The following FHIT variants were observed in gnomAD, a reference collection of about 807,000 sequenced individuals.
FHIT encodes bis(5'-adenosyl)-triphosphatase.
A neutral mutation model predicts 17.9 loss-of-function variants in FHIT; 19 were observed. The observed-to-expected ratio is 1.06, with a 90% CI of 0.74 to 1.56. The LOEUF (loss-of-function observed/expected upper bound fraction) is 1.56. FHIT is among the 40% of genes most tolerant of loss of function. The pLI, the probability that FHIT is intolerant of heterozygous loss-of-function variation, is 0.00. For synonymous variants in FHIT, 81 were observed against 69.7 expected (o/e 1.16, Z -0.81); for missense variants, 248 against 189.2 (o/e 1.31, Z -1.82).
intron 2 of FHIT, among the ~76,000 whole-genome samples, chr3:61,079,860 T>C (rs1000703496): frequency 6.6e-6 from 1 of 152,220 alleles, no homozygotes; most frequent in Non-Finnish European, 1.5e-5. Flanking sequence ...ATATTCTCCC[T>C]ACAAAATCAC....
intron 3 of FHIT, among the ~76,000 whole-genome samples, chr3:61,007,077 T>C (rs552393193): frequency 5.9e-5 from 9 of 152,352 alleles, no homozygotes; most frequent in African/African-American, 1.9e-4. Flanking sequence ...AGTCTCTATA[T>C]GAAATTGTTC....
chr3:60,302,331 A>T lies in FHIT; in HGVS notation c.103+234529T>A, dbSNP rs142845854. On this transcript the variant is annotated intron_variant, in intron 5 of 9. Transcript: ENST00000492590. Reference sequence around the variant, plus strand: ...CCTTTCTCTCCTCCTGGCATATTTAATCAACAGAATATTCACAGATCTTTT... The same window carrying T: ...CCTTTCTCTCCTCCTGGCATATTTATTCAACAGAATATTCACAGATCTTTT... 4.1e-4 allele frequency among the ~76,000 whole-genome samples: 63 copies of T among 152,100 alleles called. No individual in the cohort carries two copies. In the East Asian group the frequency reaches 0.012, roughly 28 times the overall value.
intron 5 of FHIT, among the ~76,000 whole-genome samples, chr3:60,082,292 A>G (rs1703322155): frequency 6.9e-6 from 1 of 143,910 alleles, no homozygotes; most frequent in African/African-American, 2.7e-5. Context: ...TGGTGCTGCA[A>G]CAGACATGAT....
At chr3:60,542,844 T>C (rs1297713456) in intron 4 of FHIT, among the ~76,000 whole-genome samples, 1 of 152,242 alleles carries the variant, frequency 6.6e-6, no homozygotes, top group Non-Finnish European at 1.5e-5. Context: ...TTTGCAAATA[T>C]ATATATTCCT....
intron 4 of FHIT, among the ~76,000 whole-genome samples, chr3:60,544,958 A>G (rs2036312797): frequency 6.6e-6 from 1 of 152,188 alleles, no homozygotes; most frequent in Non-Finnish European, 1.5e-5. Flanking sequence ...TTTTTGTTCC[A>G]AAGAGAGTTT....
At chr3:60,234,991 C>T (rs1351241411) in intron 5 of FHIT, among the ~76,000 whole-genome samples, 3 of 152,074 alleles carry the variant, frequency 2.0e-5, no homozygotes, top group Non-Finnish European at 4.4e-5. Context: ...CCTGGGGCTA[C>T]GTAGGTGACC....
chr3:61,063,025 C>T (rs1056684309), intron 2 of FHIT, among the ~76,000 whole-genome samples: 2 of 151,756 alleles, frequency 1.3e-5, no homozygotes, highest in Admixed American at 6.6e-5. Flanking sequence ...GTTGGGAGTC[C>T]GAGGTGGGTG....
intron 5 of FHIT, among the ~76,000 whole-genome samples, chr3:60,023,284 T>C (rs776065246): frequency 7.2e-5 from 11 of 152,194 alleles, no homozygotes; most frequent in Non-Finnish European, 1.3e-4. Flanking sequence ...AAATCTGCAA[T>C]TCATTGCAGA....
At chr3:59,919,392 A>T (rs1415049839) in intron 8 of FHIT, among the ~76,000 whole-genome samples, 1 of 152,160 alleles carries the variant, frequency 6.6e-6, no homozygotes, top group Non-Finnish European at 1.5e-5. Flanking sequence ...TGCCCTCTGG[A>T]GCCACATAGA....
At chr3:59,992,323 A>G (rs906913231) in intron 7 of FHIT, among the ~76,000 whole-genome samples, 2 of 152,084 alleles carry the variant, frequency 1.3e-5, no homozygotes, top group African/African-American at 4.8e-5. Context: ...TAGTACATTT[A>G]AGAATTACTT....
At chr3:60,837,074 T>C (rs893789694) in intron 3 of FHIT, among the ~76,000 whole-genome samples, 3 of 152,196 alleles carry the variant, frequency 2.0e-5, no homozygotes, top group African/African-American at 7.2e-5. Flanking sequence ...AAGTAATCTC[T>C]GGAATTTTGC....
intron 5 of FHIT, among the ~76,000 whole-genome samples, chr3:60,512,847 G>A (rs1043507910): frequency 3.3e-5 from 5 of 152,136 alleles, no homozygotes; most frequent in Admixed American, 1.3e-4. Flanking sequence ...ATCCAAGGGA[G>A]TTAGACAATT....
chr3:60,913,745 C>T (rs548169660), intron 3 of FHIT, among the ~76,000 whole-genome samples: 18 of 152,326 alleles, frequency 1.2e-4, no homozygotes, highest in South Asian at 2.1e-4. Context: ...AAGCTGGCTT[C>T]CCTTCATTCA....
At chr3:60,207,355 A>T (rs1703244779) in intron 5 of FHIT, among the ~76,000 whole-genome samples, 1 of 152,108 alleles carries the variant, frequency 6.6e-6, no homozygotes, top group Admixed American at 6.5e-5. Context: ...GCAATCAGCC[A>T]CCACTGACAA....
chr3:61,098,701 C>A (rs1436361711), intron 2 of FHIT, among the ~76,000 whole-genome samples: 1 of 152,034 alleles, frequency 6.6e-6, no homozygotes, highest in African/African-American at 2.4e-5. Context: ...GTATTTTATT[C>A]TTCTGTGGCA....
At chr3:60,096,316 C>T (rs1455353581) in intron 5 of FHIT, among the ~76,000 whole-genome samples, 1 of 152,286 alleles carries the variant, frequency 6.6e-6, no homozygotes, top group Middle Eastern at 3.4e-3. Flanking sequence ...GGAAAGTCCA[C>T]CCAATTTGTC....
chr3:60,544,975 C>T (rs930734510), intron 4 of FHIT, among the ~76,000 whole-genome samples: 2 of 151,880 alleles, frequency 1.3e-5, no homozygotes, highest in East Asian at 1.9e-4. Context: ...GTTTATTAAA[C>T]GAGCATTTTC....
chr3:60,630,813 A>C (rs1325353017), intron 4 of FHIT, among the ~76,000 whole-genome samples: 1 of 152,082 alleles, frequency 6.6e-6, no homozygotes, highest in Non-Finnish European at 1.5e-5. Context: ...AGAGTAATTA[A>C]ATCACTGGTT....
chr3:61,053,170 G>A (rs2034088739), intron 2 of FHIT, among the ~76,000 whole-genome samples: 2 of 152,086 alleles, frequency 1.3e-5, no homozygotes, highest in African/African-American at 2.4e-5. Context: ...TGGCTGTTGG[G>A]AAACTAAAAA....
Sources: allele counts gnomAD v4.1 joint callset (sites outside exome capture counted in the v4.1 genomes callset), GRCh38; gene constraint gnomAD v4.1.1; transcripts MANE v1.5; gene names NCBI Gene and HGNC (gene_info 2026-07-23, HGNC 2026-07-21).